CEP112: variants seen among roughly 807,000 people sequenced by gnomAD.
CEP112 encodes the protein centrosomal protein of 112 kDa.
CEP112 carries 127 observed loss-of-function variants against 153.0 expected under a neutral mutation model. The ratio of observed to expected loss-of-function variants is 0.83; its 90% CI spans 0.72 to 0.96. The LOEUF (loss-of-function observed/expected upper bound fraction) is 0.96, where lower values mean the gene tolerates loss of function less well. CEP112 is among the 40% of genes least tolerant of loss of function. The pLI, the probability that CEP112 is intolerant of heterozygous loss-of-function variation, is 0.00. For synonymous variants in CEP112, 358 were observed against 374.4 expected (o/e 0.96, Z 0.51); for missense variants, 1,089 against 1,101.2 (o/e 0.99, Z 0.16).
chr17:65,836,854 C>A (rs1462020320), intron 21 of CEP112, among the ~76,000 whole-genome samples: 1 of 151,298 alleles, frequency 6.6e-6, no homozygotes, highest in Non-Finnish European at 1.5e-5. Flanking sequence ...TGATGCCCAG[C>A]CGAGGCTGGA....
chr17:66,081,107 C>A (rs1253706291), intron 8 of CEP112, among the ~76,000 whole-genome samples: 1 of 151,944 alleles, frequency 6.6e-6, no homozygotes, highest in East Asian at 1.9e-4. Context: ...CAAGTGTATA[C>A]CTATGTAACA....
intron 18 of CEP112, among the ~76,000 whole-genome samples, chr17:65,932,169 C>T (rs12938783): frequency 0.41 from 62,823 of 152,004 alleles, 14,385 homozygotes; most frequent in East Asian, 0.87. Flanking sequence ...AGCAGCCCCT[C>T]GTAACTAAAG....
intron 17 of CEP112, among the ~76,000 whole-genome samples, chr17:65,970,409 A>G (rs1396088562): frequency 3.9e-5 from 4 of 102,630 alleles, no homozygotes; most frequent in East Asian, 8.4e-4. Context: ...TGCACACATC[A>G]TGCATGTATA....
intron 11 of CEP112, among the ~76,000 whole-genome samples, chr17:66,054,319 T>C (rs1437551617): frequency 1.3e-5 from 2 of 152,148 alleles, no homozygotes; most frequent in African/African-American, 2.4e-5. Flanking sequence ...AAAACTGCTT[T>C]CTCCCCTACC....
At chr17:65,877,388 G>A (rs1351414935) in intron 20 of CEP112, among the ~76,000 whole-genome samples, 1 of 151,310 alleles carries the variant, frequency 6.6e-6, no homozygotes, top group Non-Finnish European at 1.5e-5. Flanking sequence ...CCTTTCTTTG[G>A]TGGGACAACT....
chr17:65,797,096 T>A (rs2054979165), intron 21 of CEP112: 1 of 138,484 alleles, frequency 7.2e-6, no homozygotes, highest in Admixed American at 7.5e-5. Context: ...ACAAAACCCA[T>A]CTTTGATAGC....
chr17:66,030,410 AT>A (rs751279261), intron 12 of CEP112, among the ~76,000 whole-genome samples: 2 of 152,088 alleles, frequency 1.3e-5, no homozygotes, highest in Non-Finnish European at 2.9e-5. Flanking sequence ...TTTGCGTTTG[AT>A]TTTAAGTTTT....
intron 6 of CEP112, among the ~76,000 whole-genome samples, chr17:66,102,379 T>C (rs1366881000): frequency 1.3e-5 from 2 of 152,092 alleles, no homozygotes; most frequent in South Asian, 2.1e-4. Flanking sequence ...TTTCAATCCA[T>C]TCAATCAATA....
intron 11 of CEP112, among the ~76,000 whole-genome samples, chr17:66,055,180 G>A (rs896493718): frequency 1.3e-5 from 2 of 152,162 alleles, no homozygotes; most frequent in African/African-American, 4.8e-5. Context: ...GTGAGAGATG[G>A]AAGCTAGGGC....
Position 65,981,908 on chromosome 17 carries a change from A to C in CEP112, c.1737-20310T>G, listed in dbSNP as rs377307418. ...TTTTTGGATTTGCAAATATATAAAA[A>C]AATTTAAAATAAATACATAAATGAG... On this transcript the variant is annotated intron_variant, in intron 17 of 26. Coordinates refer to ENST00000535342, the MANE Select transcript of CEP112 (RefSeq NM_001199165.4). Among the ~76,000 whole-genome samples the C allele has an allele frequency of 7.2e-5, 11 of 152,326 alleles. No individual in the cohort carries two copies. The East Asian group carries it at 1.9e-3, about 27-fold the overall frequency.
At chr17:66,070,065 T>A in intron 8 of CEP112, 64 bp from the exon 9 acceptor site, 1 of 824,786 alleles carries the variant, frequency 1.2e-6, no homozygotes, top group Non-Finnish European at 2.0e-6. Flanking sequence ...AATACACAAT[T>A]AAACTAAAAT....
chr17:65,796,357 A>G (rs566525993), intron 21 of CEP112, among the ~76,000 whole-genome samples: 2 of 152,348 alleles, frequency 1.3e-5, no homozygotes, highest in African/African-American at 4.8e-5. Context: ...CTGCCGAATG[A>G]ACTGAGAGAA....
chr17:66,176,568 A>C, intron 3 of CEP112: 1 of 278,604 alleles, frequency 3.6e-6, no homozygotes, highest in Non-Finnish European at 6.6e-6. Flanking sequence ...AGTAAAGCTC[A>C]ATATAAAAAA....
intron 4 of CEP112, among the ~76,000 whole-genome samples, chr17:66,144,389 C>T (rs544508995): frequency 1.4e-4 from 21 of 152,208 alleles, no homozygotes; most frequent in African/African-American, 4.6e-4. Flanking sequence ...CATGTTGTTG[C>T]ACGTATCAAA....
chr17:66,167,569 C>T (rs1345294246), intron 4 of CEP112, among the ~76,000 whole-genome samples: 1 of 152,150 alleles, frequency 6.6e-6, no homozygotes, highest in Non-Finnish European at 1.5e-5. Flanking sequence ...TCTTTCAGCT[C>T]AACCTAGAAA....
rs146216612 is a variant in CEP112, at chr17:66,162,069, T to A, written c.470+12975A>T. Among the ~76,000 whole-genome samples the A allele has an allele frequency of 1.3e-3, 191 of 152,130 alleles. 1 individual carries two copies. The highest frequency in any genetic ancestry group is 4.4e-3 in the African/African-American group (184 of 41,474). ...AAGCCACAGAGTGAAAAAAGATATT[T>A]GCAATACATATATTCAACACAGAAT... On this transcript the variant is annotated intron_variant, in intron 4 of 26. Coordinates refer to ENST00000535342, the MANE Select transcript of CEP112 (RefSeq NM_001199165.4).
At chr17:66,129,696 A>G (rs1417265592) in intron 6 of CEP112, 50 bp downstream of exon 6, 1 of 1,251,456 alleles carries the variant, frequency 8.0e-7, no homozygotes, top group Non-Finnish European at 1.1e-6. Context: ...TACACATACA[A>G]TATGATTTTG....
chr17:65,994,097 C>G (rs768842101), intron 17 of CEP112, among the ~76,000 whole-genome samples: 1 of 151,742 alleles, frequency 6.6e-6, no homozygotes, highest in African/African-American at 2.4e-5. Flanking sequence ...GAAGACATCT[C>G]CAGTTCATGG....
chr17:65,724,536 C>T (rs2050067593), intron 23 of CEP112, among the ~76,000 whole-genome samples: 1 of 152,138 alleles, frequency 6.6e-6, no homozygotes, highest in Non-Finnish European at 1.5e-5. Context: ...TTATTCATAA[C>T]TTCACTTTTC....
Sources: gnomAD v4.1 joint callset for allele counts (sites outside exome capture counted in the v4.1 genomes callset) on GRCh38, gnomAD v4.1.1 for gene constraint, MANE v1.5 for transcripts, NCBI Gene and HGNC (gene_info 2026-07-23, HGNC 2026-07-21) for gene names.